Variants in NCOR2 observed in about 807,000 individuals in gnomAD.
The protein encoded by NCOR2 is nuclear receptor corepressor 2, also known as CTG repeat protein 26.
NCOR2 carries 81 observed loss-of-function variants against 262.9 expected under a neutral mutation model. That is an observed-to-expected ratio of 0.31 (90% CI 0.26 to 0.37). NCOR2 has a LOEUF of 0.37. Among genes scored for constraint, NCOR2 ranks in the 10% least tolerant of loss-of-function variants. The probability of loss-of-function intolerance (pLI) is 1.00; values close to 1 mark genes in which losing one functional copy is unlikely to be tolerated. For synonymous variants in NCOR2, 1,659 were observed against 1,559.3 expected (o/e 1.06, Z -1.51); for missense variants, 3,385 against 3,621.4 (o/e 0.93, Z 1.68).
intron 16 of NCOR2, among the ~76,000 whole-genome samples, chr12:124,388,431 C>G (rs550322896): frequency 1.3e-5 from 2 of 152,282 alleles, no homozygotes; most frequent in East Asian, 1.9e-4. Flanking sequence ...TTGGAGAGAC[C>G]CCCTGTGCAC....
chr12:124,518,419 G>C (rs1408797797), intron 1 of NCOR2: 1 of 152,276 alleles, frequency 6.6e-6, no homozygotes, highest in Admixed American at 6.5e-5. Context: ...TGCAGGGCCA[G>C]GCCAGGCCCC....
At chr12:124,338,235 C>T (rs902718158) in intron 37 of NCOR2, among the ~76,000 whole-genome samples, 10 of 152,136 alleles carry the variant, frequency 6.6e-5, no homozygotes, top group South Asian at 2.1e-4. Context: ...AGGCTGAGTG[C>T]GGTGGCGCAC....
At chr12:124,335,502 C>T (rs374690448) in exon 39 of NCOR2, 13 of 1,607,088 alleles carry the variant, frequency 8.1e-6, no homozygotes, top group East Asian at 2.2e-5. Context: ...TGGGCCGCAG[C>T]TCCCCCTCCA....
intron 22 of NCOR2, among the ~76,000 whole-genome samples, chr12:124,357,908 T>TGC (rs2038094702): frequency 1.3e-5 from 2 of 149,784 alleles, no homozygotes; most frequent in African/African-American, 5.0e-5. Context: ...GTGATATGTG[T>TGC]GTGTGCGTGC....
chr12:124,420,612 T>G (rs1235984697), intron 12 of NCOR2, among the ~76,000 whole-genome samples: 1 of 152,240 alleles, frequency 6.6e-6, no homozygotes, highest in Non-Finnish European at 1.5e-5. Flanking sequence ...TTTCTCTGCC[T>G]TGGTCTTTTC....
chr12:124,439,734 G>C (rs1363389410), intron 7 of NCOR2, among the ~76,000 whole-genome samples: 1 of 146,906 alleles, frequency 6.8e-6, no homozygotes, highest in Admixed American at 6.7e-5. Flanking sequence ...AGAAAGAGAG[G>C]ATCAGAGAGA....
At chr12:124,334,299 T>C in intron 41 of NCOR2, 125 bp downstream of exon 43, 1 of 632,264 alleles carries the variant, frequency 1.6e-6, no homozygotes, top group Non-Finnish European at 2.7e-6. Context: ...CCTCCATTTC[T>C]TGCCTGTGCA....
At chr12:124,524,646 C>T (rs1343746123) in intron 1 of NCOR2, among the ~76,000 whole-genome samples, 3 of 152,236 alleles carry the variant, frequency 2.0e-5, no homozygotes, top group Non-Finnish European at 2.9e-5. Flanking sequence ...ATCAACTCCC[C>T]GTCATAGCCT....
intron 33 of NCOR2, among the ~76,000 whole-genome samples, chr12:124,342,530 C>T (rs192790588): frequency 9.3e-4 from 141 of 152,198 alleles, no homozygotes; most frequent in Middle Eastern, 3.4e-3. Flanking sequence ...CCACCACACC[C>T]GGCTAGTTTT....
At chr12:124,554,839 C>T (rs1264779318) in intron 1 of NCOR2, among the ~76,000 whole-genome samples, 1 of 152,248 alleles carries the variant, frequency 6.6e-6, no homozygotes. Context: ...GAAGCCAAGA[C>T]AGACAGGGTC....
rs889607068 is a variant in NCOR2 at position 124,566,717 on chromosome 12, G to T, written c.-165+591C>A. On this transcript the variant is annotated intron_variant, in intron 1 of 32. Coordinates refer to the NCOR2 transcript ENST00000458234. This position sits in a 1 kb window ranked among gnomAD's most constrained non-coding sequence, Gnocchi z 4.3. ...GGCAGGCCCAGACACCAGGAACACC[G>T]GCCCGCGGGGGAGGGGGACCAGGGG... Among the ~76,000 whole-genome samples, 2 of 152,312 alleles carry T rather than the reference G, an allele frequency of 1.3e-5. No homozygotes were observed. Among genetic ancestry groups the T allele is most frequent in the South Asian group, 4.1e-4 (2 of 4,824 alleles).
chr12:124,325,386 C>CG lies in NCOR2; in HGVS notation c.*15_*16insC, dbSNP rs1555297276. Reference sequence around the variant, plus strand: ...GCTGGGACCTGACACCGCCCCCCCCCCCGCCCTGTTCTGAGTCACTCGCTG... The same window carrying CG: ...GCTGGGACCTGACACCGCCCCCCCCCGCCGCCCTGTTCTGAGTCACTCGCTG... On this transcript the variant is annotated 3_prime_UTR_variant, in exon 47 of 47. Coordinates refer to ENST00000405201, the Ensembl canonical transcript of NCOR2. The CG allele has an allele frequency of 8.3e-5, 49 of 589,728 alleles. 4 individuals are homozygous for CG. The highest frequency in any genetic ancestry group is 6.8e-4 in the Admixed American group (12 of 17,772). The allele number at this position is 589,728 out of a possible 1,614,324, so 36.5% of individuals were successfully genotyped here.
At chr12:124,513,364 TG>T (rs1291265531) in intron 1 of NCOR2, 2 of 152,212 alleles carry the variant, frequency 1.3e-5, no homozygotes, top group Non-Finnish European at 2.9e-5. Flanking sequence ...TGGGCATCTC[TG>T]GGCCTCTGCT....
chr12:124,409,191 T>G (rs1460462412), intron 13 of NCOR2, among the ~76,000 whole-genome samples: 4 of 152,242 alleles, frequency 2.6e-5, no homozygotes, highest in African/African-American at 9.6e-5. Flanking sequence ...TAAATCCTAA[T>G]TCAGATCCCG....
In NCOR2 at chr12:124,340,157, T is replaced by C. The variant is rs577745902; in HGVS notation, c.5536A>G (p.Ser1846Gly). Reference sequence around the variant, plus strand: ...GCATGGGAGTGGGAGGCGGGGCGGCTGCTGCTGCCCCCACCCCCGCCGCTG... The same window carrying C: ...GCATGGGAGTGGGAGGCGGGGCGGCCGCTGCTGCCCCCACCCCCGCCGCTG... The change falls in exon 37 of 47, where the codon AGC becomes GGC. Residue 1846 changes from serine to glycine, a missense_variant. Coordinates refer to ENST00000405201, the Ensembl canonical transcript of NCOR2. The C allele has an allele frequency of 4.2e-5, 66 of 1,563,952 alleles. No homozygotes were observed. In the South Asian group the frequency reaches 7.0e-4, roughly 17 times the overall value.
chr12:124,416,556 G>A (rs894481390), intron 13 of NCOR2, among the ~76,000 whole-genome samples: 3 of 138,588 alleles, frequency 2.2e-5, no homozygotes, highest in Admixed American at 7.1e-5. Flanking sequence ...AGGGAGACCC[G>A]CGGCACAGAT....
chr12:124,386,744 C>A lies in NCOR2; in HGVS notation c.1877-857G>T, dbSNP rs556911274. ...ACACCAGGCTCGGCAGAAACACAGC[C>A]CCTGCTGCACCGGAGGCAGTGCCTG... On this transcript the variant is annotated intron_variant, in intron 16 of 46. Transcript: ENST00000405201. 9.2e-5 allele frequency among the ~76,000 whole-genome samples: 14 copies of A among 152,356 alleles called. No homozygotes were observed. The South Asian group carries it at 2.7e-3, about 29-fold the overall frequency.
intron 6 of NCOR2, among the ~76,000 whole-genome samples, chr12:124,451,286 C>G (rs1404889753): frequency 6.6e-6 from 1 of 152,234 alleles, no homozygotes; most frequent in Non-Finnish European, 1.5e-5. Context: ...CAGAAATGCT[C>G]AGCTGCCTTC....
chr12:124,373,845 ATG>A (rs1491447551), intron 19 of NCOR2, among the ~76,000 whole-genome samples: 668 of 4,182 alleles, frequency 0.16, 199 homozygotes, highest in East Asian at 0.71. Context: ...GTGGACAATC[ATG>A]AGGCCAGTGC....
Sources: gnomAD v4.1 joint callset for allele counts (sites outside exome capture counted in the v4.1 genomes callset) on GRCh38, gnomAD v4.1.1 for gene constraint, Gnocchi (gnomAD v3.1) non-coding constraint, MANE v1.5 for transcripts, NCBI Gene and HGNC (gene_info 2026-07-23, HGNC 2026-07-21) for gene names.